NLGN1: variants seen among roughly 807,000 people sequenced by gnomAD.
NLGN1 encodes neuroligin-1.
Under a neutral mutation model 65.5 loss-of-function variants are expected in NLGN1, and 12 were observed. That is an observed-to-expected ratio of 0.18 (90% CI 0.12 to 0.30). NLGN1 has a LOEUF of 0.30. NLGN1 is among the 10% of genes least tolerant of loss of function. The pLI, the probability that NLGN1 is intolerant of heterozygous loss-of-function variation, is 1.00. For synonymous variants in NLGN1, 350 were observed against 359.5 expected, an observed-to-expected ratio of 0.97 and a Z score of 0.30; for missense variants, 750 against 1,007.1, an observed-to-expected ratio of 0.74 and a Z score of 3.46.
intron 3 of NLGN1, among the ~76,000 whole-genome samples, chr3:173,703,068 A>G (rs1767492075): frequency 6.6e-6 from 1 of 151,534 alleles, no homozygotes; most frequent in South Asian, 2.1e-4. Context: ...GTATTATGTT[A>G]CTAGAGTTTT....
chr3:173,633,391 A>T (rs540961153), intron 3 of NLGN1, among the ~76,000 whole-genome samples: 4 of 152,222 alleles, frequency 2.6e-5, no homozygotes, highest in African/African-American at 9.6e-5. Flanking sequence ...TTTTTAATGT[A>T]CATTTCCCTA....
At chr3:173,746,615 C>T (rs1048260924) in intron 3 of NLGN1, among the ~76,000 whole-genome samples, 10 of 152,030 alleles carry the variant, frequency 6.6e-5, no homozygotes. Context: ...TCTGATTTGT[C>T]ACATGCTATT....
chr3:173,796,446 A>T (rs1373748143), intron 3 of NLGN1, among the ~76,000 whole-genome samples: 1 of 152,164 alleles, frequency 6.6e-6, no homozygotes, highest in Non-Finnish European at 1.5e-5. Flanking sequence ...TTTGGAATTA[A>T]ATGAGTTCAA....
intron 2 of NLGN1, among the ~76,000 whole-genome samples, chr3:173,540,403 G>A (rs1327060706): frequency 6.6e-6 from 1 of 152,270 alleles, no homozygotes; most frequent in Non-Finnish European, 1.5e-5. Context: ...TCCAAATGAG[G>A]AATATGTTGA....
In NLGN1 at chr3:173,811,561, C is replaced by T. The variant is rs1455450268; in HGVS notation, c.646+3729C>T. On this transcript the variant is annotated intron_variant, in intron 4 of 6. Transcript: ENST00000457714. The stretch of plus-strand genomic sequence containing the variant: ...TAGCCTGGGTGACAAGAGTGAACTC[C>T]GTCTCAAAAAAAAAAAAAAAAAAAG... 1.1e-3 allele frequency among the ~76,000 whole-genome samples: 149 copies of T among 133,080 alleles called. 1 individual carries two copies. Among genetic ancestry groups the T allele is most frequent in the African/African-American group, 3.6e-3 (126 of 34,806 alleles). The allele number at this position is 133,080 out of a possible 152,430, so 87.3% of individuals were successfully genotyped here.
intron 4 of NLGN1, among the ~76,000 whole-genome samples, chr3:173,839,866 G>A (rs1052850561): frequency 1.8e-4 from 15 of 83,274 alleles, no homozygotes; most frequent in African/African-American, 5.8e-4. Flanking sequence ...TAGGAAATGT[G>A]GTATTATAGA....
At chr3:174,214,484 G>T (rs1443288432) in intron 4 of NLGN1, among the ~76,000 whole-genome samples, 1 of 152,034 alleles carries the variant, frequency 6.6e-6, no homozygotes, top group Non-Finnish European at 1.5e-5. Context: ...ATATTTTAGT[G>T]TTATCTTCTG....
chr3:173,754,024 C>CTTTTTTTTTTTTTTTTTTTT (rs71162358), intron 3 of NLGN1, among the ~76,000 whole-genome samples: 10 of 121,616 alleles, frequency 8.2e-5, no homozygotes, highest in Non-Finnish European at 1.3e-4. Context: ...TCTTTCTTTT[C>CTTTTTTTTTTTTTTTTTTTT]TTTTTTTTTT....
chr3:174,069,478 G>A (rs1360886477), intron 4 of NLGN1, among the ~76,000 whole-genome samples: 1 of 152,144 alleles, frequency 6.6e-6, no homozygotes, highest in Non-Finnish European at 1.5e-5. Context: ...GATAAGGAAA[G>A]GAATGTCCTA....
intron 4 of NLGN1, among the ~76,000 whole-genome samples, chr3:174,238,978 C>G (rs537005893): frequency 6.6e-6 from 1 of 152,254 alleles, no homozygotes; most frequent in Non-Finnish European, 1.5e-5. Flanking sequence ...TCATTATTGA[C>G]TACCTGGGAG....
intron 3 of NLGN1, among the ~76,000 whole-genome samples, chr3:173,657,404 C>T (rs1760225530): frequency 6.6e-6 from 1 of 151,914 alleles, no homozygotes; most frequent in Admixed American, 6.6e-5. Flanking sequence ...GGATTTGCTT[C>T]TTGTCTTTCT....
chr3:174,049,219 A>G (rs984854079), intron 4 of NLGN1, among the ~76,000 whole-genome samples: 8 of 152,106 alleles, frequency 5.3e-5, no homozygotes, highest in Non-Finnish European at 1.2e-4. Flanking sequence ...CACATAGAGT[A>G]TGTGTAACGC....
chr3:173,663,443 A>G (rs1233679974), intron 3 of NLGN1, among the ~76,000 whole-genome samples: 1 of 152,080 alleles, frequency 6.6e-6, no homozygotes, highest in African/African-American at 2.4e-5. Context: ...AGGAAAAAAC[A>G]GGACAAAAAC....
intron 4 of NLGN1, among the ~76,000 whole-genome samples, chr3:173,917,509 A>C (rs1217151958): frequency 1.3e-5 from 2 of 152,232 alleles, no homozygotes; most frequent in Admixed American, 1.3e-4. Context: ...ACTTTTCTTA[A>C]GAAAATAGCA....
At position 174,118,446 on chromosome 3, in the gene NLGN1, T is replaced by G. The variant is rs114922055; in HGVS notation, c.647-156869T>G. Among the ~76,000 whole-genome samples, 600 of 152,220 alleles carry G rather than the reference T, an allele frequency of 3.9e-3. 3 individuals are homozygous for G. The highest frequency in any genetic ancestry group is 0.014 in the African/African-American group (570 of 41,534). ...AGGCTCTGAGAATTAAAACAAATAATAAGAAGAAGATATGGTTTTGTGAGT... is the reference window on the plus strand; with the variant it reads ...AGGCTCTGAGAATTAAAACAAATAAGAAGAAGAAGATATGGTTTTGTGAGT... On this transcript the variant is annotated intron_variant, in intron 4 of 6. Transcript: ENST00000457714.
intron 3 of NLGN1, among the ~76,000 whole-genome samples, chr3:173,637,894 A>T (rs1756836476): frequency 6.6e-6 from 1 of 152,166 alleles, no homozygotes; most frequent in Admixed American, 6.6e-5. Context: ...GGTCTTACAC[A>T]CCCACATAAA....
intron 4 of NLGN1, among the ~76,000 whole-genome samples, chr3:174,263,241 T>G (rs1193105154): frequency 6.7e-6 from 1 of 149,636 alleles, no homozygotes; most frequent in African/African-American, 2.5e-5. Context: ...GTATCCTTGT[T>G]GACTTTCTGT....
intron 2 of NLGN1, among the ~76,000 whole-genome samples, chr3:173,547,473 A>G (rs1021384302): frequency 2.0e-5 from 3 of 152,172 alleles, no homozygotes; most frequent in African/African-American, 7.2e-5. Flanking sequence ...TGCAACGCAC[A>G]AAAATGCTGT....
At chr3:173,614,379 C>A (rs543889830) in intron 3 of NLGN1, among the ~76,000 whole-genome samples, 176 of 152,120 alleles carry the variant, frequency 1.2e-3, no homozygotes, top group Admixed American at 3.1e-3. Flanking sequence ...AATTTGGACT[C>A]CTAGGCCTCT....
Sources: allele counts gnomAD v4.1 joint callset (sites outside exome capture counted in the v4.1 genomes callset), GRCh38; gene constraint gnomAD v4.1.1; transcripts MANE v1.5; gene names NCBI Gene and HGNC (gene_info 2026-07-23, HGNC 2026-07-21).